Variants in ZC3HAV1L observed in about 807,000 individuals in gnomAD.
ZC3HAV1L encodes the protein ZC3HAV1 like.
A neutral mutation model predicts 28.2 loss-of-function variants in ZC3HAV1L; 23 were observed. That is an observed-to-expected ratio of 0.82 (90% CI 0.59 to 1.16). ZC3HAV1L has a LOEUF of 1.16. ZC3HAV1L is among the 50% of genes most tolerant of loss of function. The pLI, the probability that ZC3HAV1L is intolerant of heterozygous loss-of-function variation, is 0.00. For synonymous variants in ZC3HAV1L, 180 were observed against 163.4 expected, an observed-to-expected ratio of 1.10 and a Z score of -0.78; for missense variants, 376 against 387.7, an observed-to-expected ratio of 0.97 and a Z score of 0.25.
At chr7:139,033,930 C>T (rs949173296) in intron 2 of ZC3HAV1L, 11 of 985,378 alleles carry the variant, frequency 1.1e-5, no homozygotes, top group Non-Finnish European at 1.3e-5. Context: ...GCCTCTGGCT[C>T]ACAACCGTGA....
In ZC3HAV1L at chr7:139,034,430, T is replaced by C. The variant is rs1815634549; in HGVS notation, c.501+113A>G. On this transcript the variant is annotated intron_variant, in intron 2 of 4. Coordinates refer to ENST00000275766, the MANE Select transcript of ZC3HAV1L (RefSeq NM_080660.4). ...AGGGTACCTTTAAAGCATTTGAAACTGAATCATGTTGCTTCGAAGGCAATT... is the reference window on the plus strand; with the variant it reads ...AGGGTACCTTTAAAGCATTTGAAACCGAATCATGTTGCTTCGAAGGCAATT... The C allele has an allele frequency of 6.2e-6, 9 of 1,456,384 alleles. No homozygotes were observed. In the Admixed American group the frequency reaches 1.1e-4, roughly 17 times the overall value. 90.2% of individuals were successfully genotyped at this position (1,456,384 alleles called of 1,614,324 possible). A position where few individuals can be genotyped will look rare whatever the true frequency, so the allele number is the denominator to read the frequency against.
chr7:139,032,251 A>AT (rs1465422211), intron 2 of ZC3HAV1L, among the ~76,000 whole-genome samples: 2 of 152,194 alleles, frequency 1.3e-5, no homozygotes, highest in Non-Finnish European at 2.9e-5. Flanking sequence ...ATTAAGGAGA[A>AT]TAGGGATATG....
chr7:139,022,706 A>G (rs937807455), downstream of ZC3HAV1L, among the ~76,000 whole-genome samples: 1 of 152,244 alleles, frequency 6.6e-6, no homozygotes, highest in Admixed American at 6.5e-5. Flanking sequence ...AGAGCTAGTG[A>G]GTAAAAAAAC....
chr7:139,032,168 G>A (rs1311109575), intron 2 of ZC3HAV1L, among the ~76,000 whole-genome samples: 1 of 152,018 alleles, frequency 6.6e-6, no homozygotes, highest in East Asian at 1.9e-4. Flanking sequence ...TTCAAGAATT[G>A]GAGATCATGG....
downstream of ZC3HAV1L, among the ~76,000 whole-genome samples, chr7:139,023,195 A>AAAAAAAAAAAC: frequency 6.6e-6 from 1 of 151,294 alleles, no homozygotes; most frequent in Non-Finnish European, 1.5e-5. Context: ...AAAAAAAAAA[A>AAAAAAAAAAAC]AAAAAAACAG....
At position 139,028,744 on chromosome 7, in the gene ZC3HAV1L, T is replaced by C; in HGVS notation, c.718A>G (p.Thr240Ala). 2 of 1,614,182 alleles carry C rather than the reference T, an allele frequency of 1.2e-6. No homozygotes were observed. The highest frequency in any genetic ancestry group is 1.7e-6 in the Non-Finnish European group (2 of 1,180,022). The part of the protein sequence containing the change: ...PSVVNFQIIS[T>A]YKHMKLHKML... ...TTGTGCAGCTTCATATGCTTGTAGG[T>C]GGAGATTATCTGAAAATTAACAACA... Residue 240 changes from threonine to alanine, a missense_variant, in exon 3 of 5, where the codon ACC becomes GCC. Physicochemically the swap from Thr to Ala is moderately conservative, Grantham distance 58. Transcript: ENST00000275766.
At chr7:139,033,760 T>C (rs2066993621) in intron 2 of ZC3HAV1L, 2 of 985,232 alleles carry the variant, frequency 2.0e-6, no homozygotes, top group South Asian at 4.7e-5. Flanking sequence ...AAAAGTACTA[T>C]AAAATTAAAA....
chr7:139,036,010 TCCGC>T lies in ZC3HAV1L; in HGVS notation c.4_7del (p.Ala2SerfsTer21). ...GGTGAGGAAGGAGCACACTGTGGGC[TCCGC>T]CATGGTCGCTGGCGCGGGCCCTGTG... is the stretch of plus-strand genomic sequence containing the variant. On this transcript the variant is annotated frameshift_variant, in exon 1 of 5. Coordinates refer to ENST00000275766, the MANE Select transcript of ZC3HAV1L (RefSeq NM_080660.4). LOFTEE classifies it high-confidence loss of function. 1 of 1,506,966 alleles carries T rather than the reference TCCGC, an allele frequency of 6.6e-7. No individual in the cohort carries two copies. The highest frequency in any genetic ancestry group is 8.8e-7 in the Non-Finnish European group (1 of 1,136,004). The allele number at this position is 1,506,966 out of a possible 1,614,324, so 93.3% of individuals were successfully genotyped here. A position where few individuals can be genotyped will look rare whatever the true frequency, so the allele number is the denominator to read the frequency against.
chr7:139,025,799 T>C lies in ZC3HAV1L; in HGVS notation c.*745A>G, dbSNP rs754470649. On this transcript the variant is annotated 3_prime_UTR_variant, in exon 5 of 5. Transcript: ENST00000275766. ...CAAAAGTAAAAAATAGCTGGAAAAA[T>C]TCAATATTCTGCAGATTTTAAGACA... The C allele has an allele frequency of 5.3e-5, 8 of 151,844 alleles. No individual in the cohort carries two copies. Among genetic ancestry groups the C allele is most frequent in the African/African-American group, 1.2e-4 (5 of 41,278 alleles). 9.4% of individuals were successfully genotyped at this position (151,844 alleles called of 1,614,324 possible). A position where few individuals can be genotyped will look rare whatever the true frequency, so the allele number is the denominator to read the frequency against.
At chr7:139,022,928 A>G (rs759451731), downstream of ZC3HAV1L, among the ~76,000 whole-genome samples, 3 of 152,122 alleles carry the variant, frequency 2.0e-5, no homozygotes, top group Non-Finnish European at 4.4e-5. Context: ...TAATACTAAC[A>G]CTTTGGGAGG....
intron 2 of ZC3HAV1L, among the ~76,000 whole-genome samples, chr7:139,030,763 G>A (rs1218591204): frequency 6.6e-6 from 1 of 151,766 alleles, no homozygotes; most frequent in Non-Finnish European, 1.5e-5. Flanking sequence ...AGGTTGCAGT[G>A]AGCCGAGATC....
chr7:139,030,439 C>T (rs577630305), intron 2 of ZC3HAV1L, among the ~76,000 whole-genome samples: 136 of 152,026 alleles, frequency 8.9e-4, no homozygotes, highest in Admixed American at 5.8e-3. Context: ...AGCGAGACTC[C>T]GTCTTAAAAA....
At chr7:139,033,129 A>C (rs1006032397) in intron 2 of ZC3HAV1L, among the ~76,000 whole-genome samples, 2 of 152,092 alleles carry the variant, frequency 1.3e-5, no homozygotes, top group Non-Finnish European at 2.9e-5. Flanking sequence ...GAATCACTTG[A>C]ACTCAGGAGG....
chr7:139,035,176 G>C (rs1815663711), intron 1 of ZC3HAV1L: 2 of 985,422 alleles, frequency 2.0e-6, no homozygotes, highest in African/African-American at 1.7e-5. Context: ...CTGTTTCCTG[G>C]GGTGAGACTG....
chr7:139,033,783 C>T (rs141365405), intron 2 of ZC3HAV1L: 5 of 985,436 alleles, frequency 5.1e-6, no homozygotes, highest in Non-Finnish European at 3.6e-6. Flanking sequence ...CAAATAGCAG[C>T]GGCACCACGC....
downstream of ZC3HAV1L, chr7:139,022,439 G>A (rs778592555): frequency 5.3e-5 from 22 of 411,748 alleles, no homozygotes; most frequent in Non-Finnish European, 9.8e-6. Flanking sequence ...CCGGCTACTA[G>A]GGAAGCTGAG....
At position 139,026,694 on chromosome 7, in the gene ZC3HAV1L, C is replaced by T; in HGVS notation, c.886+14G>A. 6.2e-7 allele frequency: 1 copy of T among 1,613,878 alleles called. No individual in the cohort carries two copies. The highest frequency in any genetic ancestry group is 8.5e-7 in the Non-Finnish European group (1 of 1,179,926). On this transcript the variant is annotated intron_variant, in intron 4 of 4. Coordinates refer to ENST00000275766, the MANE Select transcript of ZC3HAV1L (RefSeq NM_080660.4). The stretch of plus-strand genomic sequence containing the variant: ...AAGCTTCTTCTTAGTTCACTGACCC[C>T]CTTTAAGGTTTACCTGGGCAGGGCT...
At position 139,035,195 on chromosome 7, in the gene ZC3HAV1L, C is replaced by T. The variant is rs1403657450; in HGVS notation, c.365+458G>A. On this transcript the variant is annotated intron_variant, in intron 1 of 4. Coordinates refer to ENST00000275766, the MANE Select transcript of ZC3HAV1L (RefSeq NM_080660.4). Reference sequence around the variant, plus strand: ...TTCCTGGGGTGAGACTGGCTCAGCGCTGTTAAACCTAGAGGGCGCAGACCC... The same window carrying T: ...TTCCTGGGGTGAGACTGGCTCAGCGTTGTTAAACCTAGAGGGCGCAGACCC... 6.1e-6 allele frequency: 6 copies of T among 985,314 alleles called. No homozygotes were observed. In the East Asian group the frequency reaches 6.8e-4, roughly 112 times the overall value. The allele number at this position is 985,314 out of a possible 1,614,324, so 61.0% of individuals were successfully genotyped here.
chr7:139,036,023 C>T lies in ZC3HAV1L; in HGVS notation c.-6G>A. On this transcript the variant is annotated 5_prime_UTR_variant, in exon 1 of 5. Coordinates refer to ENST00000275766, the MANE Select transcript of ZC3HAV1L (RefSeq NM_080660.4). ...CACACTGTGGGCTCCGCCATGGTCG[C>T]TGGCGCGGGCCCTGTGCGCGCGGCG... is the stretch of plus-strand genomic sequence containing the variant. The T allele has an allele frequency of 6.7e-7, 1 of 1,500,076 alleles. No homozygotes were observed. Among genetic ancestry groups the T allele is most frequent in the Non-Finnish European group, 8.8e-7 (1 of 1,132,668 alleles). The allele number at this position is 1,500,076 out of a possible 1,614,324, so 92.9% of individuals were successfully genotyped here. A position where few individuals can be genotyped will look rare whatever the true frequency, so the allele number is the denominator to read the frequency against.
Sources: allele counts gnomAD v4.1 joint callset (sites outside exome capture counted in the v4.1 genomes callset), GRCh38; gene constraint gnomAD v4.1.1; transcripts MANE v1.5; gene names NCBI Gene and HGNC (gene_info 2026-07-23, HGNC 2026-07-21).